Variants in SPIRE1 observed in about 807,000 individuals in gnomAD.
SPIRE1 encodes the protein spire type actin nucleation factor 1, also known as protein spire homolog 1.
A neutral mutation model predicts 94.1 loss-of-function variants in SPIRE1; 40 were observed. The ratio of observed to expected loss-of-function variants is 0.43; its 90% CI spans 0.33 to 0.55. The LOEUF is 0.55. Among genes scored for constraint, SPIRE1 ranks in the 20% least tolerant of loss-of-function variants. The pLI is 0.06. For synonymous variants in SPIRE1, 376 were observed against 371.7 expected (o/e 1.01, Z -0.13); for missense variants, 838 against 975.2 (o/e 0.86, Z 1.87).
In SPIRE1 at chr18:12,579,813, G is replaced by A. The variant is rs532361932; in HGVS notation, c.373-32909C>T. ...CTTGCATCAGGACTAGAACTGCTTT[G>A]GAAATACCACTGTACTTCACTCTAT... On this transcript the variant is annotated intron_variant, in intron 2 of 16. Transcript: ENST00000409402. 1.1e-4 allele frequency among the ~76,000 whole-genome samples: 16 copies of A among 152,198 alleles called. No homozygotes were observed. The South Asian group carries it at 3.3e-3, about 32-fold the overall frequency.
chr18:12,643,980 G>C (rs1357729683), intron 1 of SPIRE1, among the ~76,000 whole-genome samples: 2 of 150,848 alleles, frequency 1.3e-5, no homozygotes, highest in African/African-American at 4.9e-5. Flanking sequence ...AATCATTTGA[G>C]GTCAGGAGTT....
At chr18:12,461,663 T>C (rs936246776) in intron 12 of SPIRE1, among the ~76,000 whole-genome samples, 1 of 149,588 alleles carries the variant, frequency 6.7e-6, no homozygotes, top group Non-Finnish European at 1.5e-5. Flanking sequence ...GGTCTTGCTG[T>C]GTCATCTACG....
At chr18:12,544,260 T>C (rs2144263086) in intron 3 of SPIRE1, among the ~76,000 whole-genome samples, 2 of 151,660 alleles carry the variant, frequency 1.3e-5, no homozygotes, top group South Asian at 4.2e-4. Context: ...AGTGCAGTGG[T>C]GTGCTCTCAG....
chr18:12,532,914 A>T (rs1276113061), intron 4 of SPIRE1, among the ~76,000 whole-genome samples: 1 of 152,216 alleles, frequency 6.6e-6, no homozygotes, highest in African/African-American at 2.4e-5. Context: ...ATGAAGGCTG[A>T]TTACTGGCAG....
intron 9 of SPIRE1, 85 bp downstream of exon 9, chr18:12,485,874 T>C (rs2033019066): frequency 1.9e-6 from 2 of 1,026,752 alleles, no homozygotes; most frequent in East Asian, 2.7e-5. Flanking sequence ...TTTTTTAACA[T>C]GTTTGAACAA....
intron 2 of SPIRE1, chr18:12,588,565 C>A (rs2036446953): frequency 6.7e-6 from 1 of 148,904 alleles, no homozygotes; most frequent in Non-Finnish European, 1.5e-5. Context: ...AAATTACTGA[C>A]TTCACTTTCC....
At chr18:12,607,716 A>T (rs1415477286) in intron 2 of SPIRE1, among the ~76,000 whole-genome samples, 3 of 152,098 alleles carry the variant, frequency 2.0e-5, no homozygotes, top group Non-Finnish European at 2.9e-5. Flanking sequence ...CTAAAAGAAA[A>T]GTTAAAGACT....
At chr18:12,658,773 G>T, upstream of SPIRE1, 1 of 337,462 alleles carries the variant, frequency 3.0e-6, no homozygotes, top group Non-Finnish European at 6.1e-6. Context: ...CCATCTTCAG[G>T]GTAAGCACCG....
At chr18:12,610,238 C>T (rs1434263623) in intron 2 of SPIRE1, among the ~76,000 whole-genome samples, 1 of 152,106 alleles carries the variant, frequency 6.6e-6, no homozygotes, top group African/African-American at 2.4e-5. Flanking sequence ...GTATGCCTGA[C>T]CCTTCCAATA....
chr18:12,582,102 T>C (rs1458240494), intron 2 of SPIRE1, among the ~76,000 whole-genome samples: 4 of 152,120 alleles, frequency 2.6e-5, no homozygotes, highest in Admixed American at 2.6e-4. Flanking sequence ...AAAATCAAAA[T>C]TGAGTCCTTT....
intron 2 of SPIRE1, among the ~76,000 whole-genome samples, chr18:12,630,706 A>C (rs2037751028): frequency 6.6e-6 from 1 of 152,128 alleles, no homozygotes; most frequent in South Asian, 2.1e-4. Flanking sequence ...GGAGAATCTG[A>C]GGCAGAGAAG....
intron 10 of SPIRE1, among the ~76,000 whole-genome samples, chr18:12,473,599 A>G (rs1804110598): frequency 6.6e-6 from 1 of 152,376 alleles, no homozygotes; most frequent in East Asian, 1.9e-4. Flanking sequence ...TTAATTAAAA[A>G]GCAAGTCAGT....
chr18:12,452,527 A>G lies in SPIRE1; in HGVS notation c.1848-15T>C, dbSNP rs747873118. The G allele has an allele frequency of 5.6e-6, 9 of 1,613,796 alleles. No individual in the cohort carries two copies. The Admixed American group carries it at 1.2e-4, about 21-fold the overall frequency. Reference sequence around the variant, plus strand: ...AGCACACCGGCCTGTAAACAAAATCATAAATGTTATTTGGCATGATACCAG... The same window carrying G: ...AGCACACCGGCCTGTAAACAAAATCGTAAATGTTATTTGGCATGATACCAG... On this transcript the variant is annotated splice_polypyrimidine_tract_variant and intron_variant, in intron 14 of 16. Transcript: ENST00000409402.
At chr18:12,521,011 T>TG (rs1164428062) in intron 4 of SPIRE1, among the ~76,000 whole-genome samples, 4 of 152,238 alleles carry the variant, frequency 2.6e-5, no homozygotes, top group African/African-American at 9.6e-5. Flanking sequence ...GATAAGAGAT[T>TG]GGGGGGTGGA....
At chr18:12,563,863 G>A (rs911887518) in intron 2 of SPIRE1, among the ~76,000 whole-genome samples, 1 of 152,106 alleles carries the variant, frequency 6.6e-6, no homozygotes, top group African/African-American at 2.4e-5. Context: ...CTATTTTTAT[G>A]TACAAAAGCA....
At chr18:12,583,824 C>A (rs1293321155) in intron 2 of SPIRE1, among the ~76,000 whole-genome samples, 3 of 151,548 alleles carry the variant, frequency 2.0e-5, no homozygotes, top group African/African-American at 4.9e-5. Flanking sequence ...ACTTGAAAAG[C>A]TGAGATGGGA....
chr18:12,601,589 T>C (rs2036836187), intron 2 of SPIRE1, among the ~76,000 whole-genome samples: 1 of 152,200 alleles, frequency 6.6e-6, no homozygotes, highest in African/African-American at 2.4e-5. Flanking sequence ...TTGAATTTTT[T>C]ATCACTCCAG....
At chr18:12,512,632 G>GGTACT in intron 4 of SPIRE1, 101 bp from the exon 5 acceptor site, 2 of 724,078 alleles carry the variant, frequency 2.8e-6, no homozygotes, top group Non-Finnish European at 4.7e-6. Context: ...TCAAGTACCA[G>GGTACT]TGAAGGAGAT....
intron 1 of SPIRE1, chr18:12,653,200 AG>A (rs2038431293): frequency 6.6e-6 from 1 of 152,228 alleles, no homozygotes; most frequent in East Asian, 1.9e-4. Flanking sequence ...GATGCTGCAC[AG>A]AACAGCCACC....
Sources: allele counts gnomAD v4.1 joint callset (sites outside exome capture counted in the v4.1 genomes callset), GRCh38; gene constraint gnomAD v4.1.1; transcripts MANE v1.5; gene names NCBI Gene and HGNC (gene_info 2026-07-23, HGNC 2026-07-21).